The following GNG2 variants were observed in gnomAD, a reference collection of about 807,000 sequenced individuals.
The protein encoded by GNG2 is G protein subunit gamma 2.
GNG2 carries 5 observed loss-of-function variants against 5.5 expected under a neutral mutation model. That is an observed-to-expected ratio of 0.91 (90% CI 0.48 to 1.92). The LOEUF (loss-of-function observed/expected upper bound fraction) is 1.92. GNG2 is among the 30% of genes most tolerant of loss of function. The probability of loss-of-function intolerance (pLI) is 0.01; values close to 1 mark genes in which losing one functional copy is unlikely to be tolerated. For synonymous variants in GNG2, 28 were observed against 32.0 expected (o/e 0.88, Z 0.42); for missense variants, 55 against 88.4 (o/e 0.62, Z 1.52).
intron 2 of GNG2, among the ~76,000 whole-genome samples, chr14:51,950,338 T>C (rs1888897547): frequency 6.6e-6 from 1 of 152,220 alleles, no homozygotes; most frequent in African/African-American, 2.4e-5. Context: ...TGTAGTATAA[T>C]ACGCTGAGGT....
intron 2 of GNG2, among the ~76,000 whole-genome samples, chr14:51,937,037 C>T (rs1888046935): frequency 6.6e-6 from 1 of 152,164 alleles, no homozygotes; most frequent in Non-Finnish European, 1.5e-5. Flanking sequence ...TCAGCATGGG[C>T]AATAGCTGTC....
At chr14:51,883,009 C>CA (rs1208060740) in intron 2 of GNG2, among the ~76,000 whole-genome samples, 1,482 of 48,630 alleles carry the variant, frequency 0.03, 43 homozygotes, top group Admixed American at 0.13. Context: ...GACTCCATCT[C>CA]AAAAAAAAAA....
At chr14:51,933,064 A>G (rs1035125935) in intron 2 of GNG2, among the ~76,000 whole-genome samples, 24 of 152,202 alleles carry the variant, frequency 1.6e-4, no homozygotes, top group Non-Finnish European at 2.6e-4. Flanking sequence ...GAGGCAAGAA[A>G]TGGACTCTTC....
chr14:51,836,085 C>T (rs1173368131), intron 2 of GNG2, among the ~76,000 whole-genome samples: 1 of 151,536 alleles, frequency 6.6e-6, no homozygotes, highest in Non-Finnish European at 1.5e-5. Flanking sequence ...TTCGGGTTCT[C>T]TTCCTAGTTT....
At chr14:51,885,886 A>G (rs1009687158) in intron 2 of GNG2, among the ~76,000 whole-genome samples, 3 of 152,194 alleles carry the variant, frequency 2.0e-5, no homozygotes, top group African/African-American at 7.2e-5. Flanking sequence ...TGTCTTTGCT[A>G]TAAGCTCTAA....
Position 51,896,340 on chromosome 14 carries a change from T to A in GNG2, c.-30+18683T>A, listed in dbSNP as rs371526578. Among the ~76,000 whole-genome samples the A allele has an allele frequency of 1.6e-4, 25 of 152,346 alleles. No homozygotes were observed. The East Asian group carries it at 4.2e-3, about 26-fold the overall frequency. On this transcript the variant is annotated intron_variant, in intron 2 of 3. Coordinates refer to ENST00000556766, the MANE Select transcript of GNG2 (RefSeq NM_053064.5). ...ATTCAGTCTTCAAAAACCCTGGTGGTATTGTCCTCTTGTTTCAGATGAGAA... is the reference window on the plus strand; with the variant it reads ...ATTCAGTCTTCAAAAACCCTGGTGGAATTGTCCTCTTGTTTCAGATGAGAA...
At position 51,908,736 on chromosome 14, in the gene GNG2, A is replaced by ATT. The variant is rs3030340; in HGVS notation, c.-30+31101_-30+31102dup. 8.9e-5 allele frequency among the ~76,000 whole-genome samples: 8 copies of ATT among 89,876 alleles called. 1 individual carries two copies. Among genetic ancestry groups the ATT allele is most frequent in the South Asian group, 4.3e-4 (1 of 2,328 alleles). The allele number at this position is 89,876 out of a possible 152,430, so 59.0% of individuals were successfully genotyped here. On this transcript the variant is annotated intron_variant, in intron 2 of 3. Coordinates refer to ENST00000556766, the MANE Select transcript of GNG2 (RefSeq NM_053064.5). Reference sequence around the variant, plus strand: ...AGGCGTGCGCCACCACACCCAGCTAATTTTTTTTTTTTTTTTTTTTTTTAG... The same window carrying ATT: ...AGGCGTGCGCCACCACACCCAGCTAATTTTTTTTTTTTTTTTTTTTTTTTTAG...
intron 1 of GNG2, among the ~76,000 whole-genome samples, chr14:51,871,696 A>C (rs17124691): frequency 0.022 from 3,385 of 152,322 alleles, 108 homozygotes; most frequent in African/African-American, 0.07. Context: ...ATTCTATCCA[A>C]GGGATTTGCA....
chr14:51,840,523 C>T (rs773407693), intron 2 of GNG2, among the ~76,000 whole-genome samples: 5 of 152,212 alleles, frequency 3.3e-5, no homozygotes, highest in Non-Finnish European at 5.9e-5. Context: ...TACCTCATTT[C>T]TGTTCTCCCT....
chr14:51,835,336 T>C (rs917606091), intron 2 of GNG2, among the ~76,000 whole-genome samples: 1 of 152,230 alleles, frequency 6.6e-6, no homozygotes, highest in Non-Finnish European at 1.5e-5. Flanking sequence ...TCTAACTTCA[T>C]TTGTTTCATC....
intron 2 of GNG2, among the ~76,000 whole-genome samples, chr14:51,900,097 A>G (rs1006226924): frequency 6.6e-6 from 1 of 152,214 alleles, no homozygotes; most frequent in Admixed American, 6.5e-5. Flanking sequence ...ACTGTTTTCC[A>G]TGGCAGCTGA....
upstream of GNG2, among the ~76,000 whole-genome samples, chr14:51,856,786 A>C (rs971913620): frequency 1.3e-5 from 2 of 152,248 alleles, no homozygotes; most frequent in African/African-American, 4.8e-5. Context: ...CTTTATAAGA[A>C]GTTCAATGCA....
intron 2 of GNG2, among the ~76,000 whole-genome samples, chr14:51,920,491 T>C (rs1482110612): frequency 6.6e-6 from 1 of 152,082 alleles, no homozygotes; most frequent in Non-Finnish European, 1.5e-5. Context: ...TTCCAAATAT[T>C]TTCAATCTAT....
chr14:51,882,232 A>C (rs1884128113), intron 2 of GNG2, among the ~76,000 whole-genome samples: 1 of 152,196 alleles, frequency 6.6e-6, no homozygotes, highest in Non-Finnish European at 1.5e-5. Flanking sequence ...ATACCATTGA[A>C]TTGTACACTT....
chr14:51,889,096 G>A (rs1884656665), intron 2 of GNG2, among the ~76,000 whole-genome samples: 1 of 150,558 alleles, frequency 6.6e-6, no homozygotes, highest in Admixed American at 6.6e-5. Context: ...CTGCTAATGG[G>A]TATGGGTTTG....
At chr14:51,932,083 A>G (rs1395251727) in intron 2 of GNG2, among the ~76,000 whole-genome samples, 2 of 151,652 alleles carry the variant, frequency 1.3e-5, no homozygotes, top group Non-Finnish European at 2.9e-5. Flanking sequence ...CGTCTCTACT[A>G]AAAAATAGAA....
At chr14:51,957,747 T>C (rs1039562207) in intron 3 of GNG2, among the ~76,000 whole-genome samples, 1 of 152,200 alleles carries the variant, frequency 6.6e-6, no homozygotes, top group Non-Finnish European at 1.5e-5. Context: ...CATTGAGTTG[T>C]CCTGTCTGGC....
intron 2 of GNG2, among the ~76,000 whole-genome samples, chr14:51,905,136 C>T (rs991010633): frequency 2.0e-5 from 3 of 152,172 alleles, no homozygotes; most frequent in South Asian, 2.1e-4. Context: ...TCGCTGCATC[C>T]ATGCTCCTGA....
upstream of GNG2, chr14:51,860,516 G>T (rs1418869474): frequency 6.6e-6 from 1 of 152,500 alleles, no homozygotes; most frequent in African/African-American, 2.4e-5. Context: ...GGGAAAAGAA[G>T]CAAGCCGCTA....
Sources: allele counts gnomAD v4.1 joint callset (sites outside exome capture counted in the v4.1 genomes callset), GRCh38; gene constraint gnomAD v4.1.1; transcripts MANE v1.5; gene names NCBI Gene and HGNC (gene_info 2026-07-23, HGNC 2026-07-21).